ARHGEF10: variants seen among roughly 807,000 people sequenced by gnomAD.
ARHGEF10 encodes the protein Rho guanine nucleotide exchange factor (GEF) 10.
A neutral mutation model predicts 147.4 loss-of-function variants in ARHGEF10; 140 were observed. The observed-to-expected ratio is 0.95, with a 90% CI of 0.83 to 1.09. The LOEUF (loss-of-function observed/expected upper bound fraction) is 1.09. Among genes scored for constraint, ARHGEF10 ranks in the 50% least tolerant of loss-of-function variants. The pLI, the probability that ARHGEF10 is intolerant of heterozygous loss-of-function variation, is 0.00. For synonymous variants in ARHGEF10, 902 were observed against 695.8 expected (o/e 1.30, Z -4.67); for missense variants, 2,222 against 1,752.7 (o/e 1.27, Z -4.78).
At chr8:1,943,210 T>C (rs560558300) in intron 26 of ARHGEF10, among the ~76,000 whole-genome samples, 2 of 152,156 alleles carry the variant, frequency 1.3e-5, no homozygotes, top group Non-Finnish European at 2.9e-5. Context: ...GGCACAGGCT[T>C]TTCTTCCTTT....
At chr8:1,909,823 G>A (rs757548379) in intron 18 of ARHGEF10, among the ~76,000 whole-genome samples, 3 of 152,096 alleles carry the variant, frequency 2.0e-5, no homozygotes, top group Admixed American at 6.5e-5. Flanking sequence ...TGGAGCTGGC[G>A]TGCAGGAAGT....
At chr8:1,849,400 C>A (rs553895828) in intron 2 of ARHGEF10, among the ~76,000 whole-genome samples, 1 of 145,862 alleles carries the variant, frequency 6.9e-6, no homozygotes, top group Non-Finnish European at 1.5e-5. Flanking sequence ...CCGAGGAGGG[C>A]GTGGGCCGGC....
At chr8:1,939,111 T>TA (rs1300240731) in intron 26 of ARHGEF10, among the ~76,000 whole-genome samples, 1 of 152,052 alleles carries the variant, frequency 6.6e-6, no homozygotes, top group Non-Finnish European at 1.5e-5. Flanking sequence ...GGAATCCCAG[T>TA]CCCCGGAGAC....
intron 11 of ARHGEF10, among the ~76,000 whole-genome samples, chr8:1,890,773 T>C (rs1294659240): frequency 6.7e-6 from 1 of 149,044 alleles, no homozygotes; most frequent in Non-Finnish European, 1.5e-5. Flanking sequence ...TTGGTAGGGG[T>C]GTGTGCACAT....
At chr8:1,843,486 T>C (rs1804253461) in intron 2 of ARHGEF10, 50 bp downstream of exon 2, 1 of 1,431,602 alleles carries the variant, frequency 7.0e-7, no homozygotes, top group Non-Finnish European at 9.8e-7. Context: ...GCTGCTGCTC[T>C]CATCAAGGAC....
At chr8:1,934,866 A>G (rs954505457) in intron 26 of ARHGEF10, among the ~76,000 whole-genome samples, 3 of 152,234 alleles carry the variant, frequency 2.0e-5, no homozygotes, top group Non-Finnish European at 4.4e-5. Context: ...ACATTGAAAT[A>G]TGTGTATCAA....
intron 5 of ARHGEF10, among the ~76,000 whole-genome samples, chr8:1,866,082 T>A (rs1306176220): frequency 6.6e-6 from 1 of 152,144 alleles, no homozygotes; most frequent in East Asian, 1.9e-4. Context: ...AGCACCATGG[T>A]TTATGCTGGG....
rs367730705 is a variant in ARHGEF10 at position 1,859,887 on chromosome 8, G to A, written c.194-10G>A. The A allele has an allele frequency of 9.3e-6, 15 of 1,613,760 alleles. No homozygotes were observed. The highest frequency in any genetic ancestry group is 8.9e-5 in the East Asian group (4 of 44,890). The stretch of plus-strand genomic sequence containing the variant: ...ATGTGTCTGCTGACAAGTCCTTTCT[G>A]CATCCCCAGGAGGTGAGGATGGAGC... On this transcript the variant is annotated splice_polypyrimidine_tract_variant and intron_variant, in intron 3 of 28. Transcript: ENST00000349830.
intron 11 of ARHGEF10, among the ~76,000 whole-genome samples, chr8:1,887,769 GGGTTGTGAT>G (rs1808812820): frequency 7.6e-5 from 7 of 92,262 alleles, no homozygotes; most frequent in African/African-American, 2.1e-4. Flanking sequence ...AGTGGGGTGA[GGGTTGTGAT>G]GAGACAGTGA....
chr8:1,860,250 A>C lies in ARHGEF10; in HGVS notation c.481+66A>C, dbSNP rs71499049. 1.2e-5 allele frequency: 18 copies of C among 1,508,238 alleles called. 1 individual carries two copies. In the East Asian group the frequency reaches 4.1e-4, roughly 34 times the overall value. The allele number at this position is 1,508,238 out of a possible 1,614,324, so 93.4% of individuals were successfully genotyped here. A position where few individuals can be genotyped will look rare whatever the true frequency, so the allele number is the denominator to read the frequency against. ...GGTTCCCTCCTCTCCACGCCCCCGA[A>C]GTGGCCTGTGGTTCCCTCCTCTGCA... On this transcript the variant is annotated intron_variant, in intron 4 of 28. Coordinates refer to ENST00000349830, the MANE Select transcript of ARHGEF10 (RefSeq NM_014629.4).
chr8:1,915,596 C>T (rs1238223787), intron 18 of ARHGEF10, among the ~76,000 whole-genome samples: 2 of 152,254 alleles, frequency 1.3e-5, no homozygotes, highest in Non-Finnish European at 2.9e-5. Context: ...GGTGGCGATG[C>T]CACATGCGTG....
chr8:1,947,648 G>A (rs1313372911), intron 27 of ARHGEF10, among the ~76,000 whole-genome samples: 1 of 101,944 alleles, frequency 9.8e-6, no homozygotes, highest in Admixed American at 1.2e-4. Context: ...CCCACTGTCA[G>A]CACCCAACCC....
intron 18 of ARHGEF10, among the ~76,000 whole-genome samples, chr8:1,917,459 C>A (rs547103017): frequency 6.6e-6 from 1 of 152,218 alleles, no homozygotes; most frequent in African/African-American, 2.4e-5. Context: ...GGACCGAGCA[C>A]ACCCCCAGGG....
chr8:1,854,893 AG>A (rs1805434002), intron 2 of ARHGEF10, among the ~76,000 whole-genome samples: 1 of 152,108 alleles, frequency 6.6e-6, no homozygotes, highest in South Asian at 2.1e-4. Context: ...GGTTCTTCTC[AG>A]GGTCATACCT....
chr8:1,857,907 T>C, intron 2 of ARHGEF10, 53 bp from the exon 3 acceptor site: 1 of 1,325,362 alleles, frequency 7.5e-7, no homozygotes. Context: ...TCTATCTATC[T>C]ATCTATCTAT....
rs376803835 is a variant in ARHGEF10, at chr8:1,867,171, CTTAT to C, written c.622+576_622+579del. ...CAGATTCCAAAACATTTAGTAGCCT[CTTAT>C]TTATTTGTAACTTAAAAATAAGTTC... On this transcript the variant is annotated intron_variant, in intron 6 of 28. Transcript: ENST00000349830. Among the ~76,000 whole-genome samples, 245 of 152,204 alleles carry C rather than the reference CTTAT, an allele frequency of 1.6e-3. 1 individual carries two copies. The highest frequency in any genetic ancestry group is 5.6e-3 in the African/African-American group (233 of 41,512).
Position 1,923,771 on chromosome 8 carries a change from C to A in ARHGEF10, c.2388-3C>A. On this transcript the variant is annotated splice_region_variant and splice_polypyrimidine_tract_variant and intron_variant, in intron 20 of 28. Transcript: ENST00000349830. ...ATGAATGCTTGTCTGTTGTTTCTGG[C>A]AGATCTGGGCGACCGACGTTCTTTA... The A allele has an allele frequency of 6.2e-7, 1 of 1,614,172 alleles. No individual in the cohort carries two copies. Among genetic ancestry groups the A allele is most frequent in the Non-Finnish European group, 8.5e-7 (1 of 1,180,038 alleles).
At chr8:1,899,937 G>C (rs997133273) in intron 15 of ARHGEF10, among the ~76,000 whole-genome samples, 5 of 152,128 alleles carry the variant, frequency 3.3e-5, no homozygotes, top group South Asian at 2.1e-4. Flanking sequence ...TGAACCATAC[G>C]GGCGGGTGAA....
intron 5 of ARHGEF10, among the ~76,000 whole-genome samples, chr8:1,866,096 C>A (rs1806586543): frequency 6.6e-6 from 1 of 152,186 alleles, no homozygotes; most frequent in Non-Finnish European, 1.5e-5. Context: ...TGCTGGGTGG[C>A]CTTGCATCTC....
Sources: allele counts gnomAD v4.1 joint callset (sites outside exome capture counted in the v4.1 genomes callset), GRCh38; gene constraint gnomAD v4.1.1; transcripts MANE v1.5; gene names NCBI Gene and HGNC (gene_info 2026-07-23, HGNC 2026-07-21).